NF1: variants seen among roughly 807,000 people sequenced by gnomAD.
The protein encoded by NF1 is neurofibromin 1, also known as neurofibromin.
NF1 carries 122 observed loss-of-function variants against 325.7 expected under a neutral mutation model. The observed-to-expected ratio is 0.37, with a 90% CI of 0.32 to 0.44. NF1 has a LOEUF of 0.44. Among genes scored for constraint, NF1 ranks in the 20% least tolerant of loss-of-function variants. NF1 has a pLI of 1.00. For missense variants in NF1, 2,140 were observed against 3,415.4 expected (o/e 0.63, Z 9.31); for synonymous variants, 1,091 against 1,186.0 (o/e 0.92, Z 1.65).
At chr17:31,105,404 C>A (rs1024068030) in intron 1 of NF1, among the ~76,000 whole-genome samples, 2 of 152,206 alleles carry the variant, frequency 1.3e-5, no homozygotes, top group African/African-American at 4.8e-5. Context: ...TTTCTTTAAA[C>A]CATAGTCTGG....
At chr17:31,220,079 G>T (rs770954929) in intron 14 of NF1, among the ~76,000 whole-genome samples, 2 of 152,118 alleles carry the variant, frequency 1.3e-5, no homozygotes, top group African/African-American at 2.4e-5. Context: ...CTGCTAAGTC[G>T]TGTGGTAACT....
chr17:31,176,680 T>C (rs111631319), intron 5 of NF1, among the ~76,000 whole-genome samples: 2 of 152,208 alleles, frequency 1.3e-5, no homozygotes, highest in African/African-American at 4.8e-5. Context: ...GAGTTAATTA[T>C]TGTATAAGGT....
intron 36 of NF1, among the ~76,000 whole-genome samples, chr17:31,310,480 G>A (rs943093542): frequency 1.2e-4 from 18 of 152,146 alleles, no homozygotes; most frequent in African/African-American, 4.3e-4. Flanking sequence ...GCAAAATGCT[G>A]CTCTGTTGTG....
chr17:31,124,468 TG>T (rs1030954701), intron 1 of NF1, among the ~76,000 whole-genome samples: 1 of 151,750 alleles, frequency 6.6e-6, no homozygotes, highest in Non-Finnish European at 1.5e-5. Flanking sequence ...ATTATCAGTA[TG>T]TCAGTTTATC....
chr17:31,322,094 T>TACACACACACACACAC lies in NF1; in HGVS notation c.4836-3706_4836-3691dup, dbSNP rs71142046. On this transcript the variant is annotated intron_variant, in intron 36 of 57. Coordinates refer to ENST00000358273, the MANE Select transcript of NF1 (RefSeq NM_001042492.3). ...GCTTTCGTGTGGTGTAGTGTGTGTA[T>TACACACACACACACAC]ACACACACACACACACACACACACA... 9.3e-3 allele frequency among the ~76,000 whole-genome samples: 1,366 copies of TACACACACACACACAC among 147,374 alleles called. 30 individuals are homozygous for TACACACACACACACAC. The highest frequency in any genetic ancestry group is 0.028 in the African/African-American group (1,099 of 39,304).
chr17:31,182,918 G>A (rs2066163998), intron 8 of NF1: 1 of 600,552 alleles, frequency 1.7e-6, no homozygotes, highest in Non-Finnish European at 2.9e-6. Flanking sequence ...TTTTGTCTGA[G>A]AAGACTAAAC....
chr17:31,129,816 G>A (rs1269694111), intron 1 of NF1, among the ~76,000 whole-genome samples: 3 of 152,072 alleles, frequency 2.0e-5, no homozygotes, highest in Non-Finnish European at 2.9e-5. Flanking sequence ...GCTCTGTATC[G>A]TTTTATTGTG....
intron 36 of NF1, 47 bp from the exon 37 acceptor site, chr17:31,325,773 T>C (rs2151537260): frequency 6.9e-7 from 1 of 1,440,912 alleles, no homozygotes; most frequent in Non-Finnish European, 9.7e-7. Context: ...TGTATATTTA[T>C]TTTAAACACT....
chr17:31,279,773 C>T (rs923793819), intron 36 of NF1, among the ~76,000 whole-genome samples: 4 of 152,112 alleles, frequency 2.6e-5, no homozygotes, highest in Non-Finnish European at 5.9e-5. Context: ...GGAAAAAGAA[C>T]ACATTTCTCC....
At chr17:31,128,548 C>G (rs1295308792) in intron 1 of NF1, 2 of 152,020 alleles carry the variant, frequency 1.3e-5, no homozygotes, top group African/African-American at 2.4e-5. Context: ...ATTTGCTTGC[C>G]TGAAAAGGAT....
intron 4 of NF1, among the ~76,000 whole-genome samples, chr17:31,164,613 C>T (rs756172781): frequency 2.0e-5 from 3 of 152,190 alleles, no homozygotes; most frequent in Non-Finnish European, 2.9e-5. Context: ...TTCAGATTTA[C>T]TGATTCCTTT....
chr17:31,268,071 A>G (rs1039649697), intron 36 of NF1, among the ~76,000 whole-genome samples: 8 of 152,114 alleles, frequency 5.3e-5, no homozygotes, highest in Admixed American at 3.3e-4. Flanking sequence ...GGAACTGGCT[A>G]TGCTCTTTGA....
Position 31,235,760 on chromosome 17 carries a change from A to G in NF1, c.3858A>G (p.Thr1286=). 1 of 1,614,120 alleles carries G rather than the reference A, an allele frequency of 6.2e-7. No individual in the cohort carries two copies. The highest frequency in any genetic ancestry group is 8.5e-7 in the Non-Finnish European group (1 of 1,180,014). Residue 1286 remains threonine, a synonymous_variant, in exon 28 of 58, where the codon ACA becomes ACG. Transcript: ENST00000358273. ...RGNSLASKIM[T]FCFKVYGATY... is the part of the protein sequence containing the mutation. Reference sequence around the variant, plus strand: ...ACAGCTTGGCCAGTAAAATAATGACATTCTGTTTCAAGGTTTGTATCATTC... The same window carrying G: ...ACAGCTTGGCCAGTAAAATAATGACGTTCTGTTTCAAGGTTTGTATCATTC...
intron 36 of NF1, chr17:31,299,478 T>A (rs2068531669): frequency 6.6e-6 from 1 of 152,090 alleles, no homozygotes; most frequent in Non-Finnish European, 1.5e-5. Flanking sequence ...GATTAAGCAG[T>A]AAATTAATTT....
At chr17:31,108,218 T>A (rs1018261000) in intron 1 of NF1, among the ~76,000 whole-genome samples, 1 of 150,862 alleles carries the variant, frequency 6.6e-6, no homozygotes, top group Non-Finnish European at 1.5e-5. Context: ...AAAATGTTAA[T>A]TCACATGTTT....
At chr17:31,110,539 A>G (rs931130617) in intron 1 of NF1, among the ~76,000 whole-genome samples, 2 of 152,214 alleles carry the variant, frequency 1.3e-5, no homozygotes, top group African/African-American at 4.8e-5. Context: ...TGGGGTTTCT[A>G]TGGTTCTTTC....
chr17:31,163,134 A>G (rs567828963), intron 3 of NF1, 52 bp from the exon 4 acceptor site: 6 of 1,581,002 alleles, frequency 3.8e-6, no homozygotes, highest in Middle Eastern at 3.3e-4. Context: ...ATAATAGAAA[A>G]TGTTTACAGG....
intron 52 of NF1, 151 bp from the exon 53 acceptor site, chr17:31,356,809 G>A (rs994074581): frequency 1.3e-5 from 16 of 1,278,850 alleles, no homozygotes; most frequent in South Asian, 5.4e-5. Flanking sequence ...CAAAACTTTT[G>A]TGTAGGCGAA....
At chr17:31,290,442 T>G (rs2068323315) in intron 36 of NF1, among the ~76,000 whole-genome samples, 1 of 152,240 alleles carries the variant, frequency 6.6e-6, no homozygotes, top group African/African-American at 2.4e-5. Context: ...TAACAATGTT[T>G]GAGAATTTAC....
Sources: gnomAD v4.1 joint callset for allele counts (sites outside exome capture counted in the v4.1 genomes callset) on GRCh38, gnomAD v4.1.1 for gene constraint, MANE v1.5 for transcripts, NCBI Gene and HGNC (gene_info 2026-07-23, HGNC 2026-07-21) for gene names.